Variants in RELN observed in about 807,000 individuals in gnomAD.
RELN encodes reelin.
RELN carries 108 observed loss-of-function variants against 427.6 expected under a neutral mutation model. The observed-to-expected ratio is 0.25, with a 90% CI of 0.22 to 0.30. RELN has a LOEUF of 0.30. RELN is among the 10% of genes least tolerant of loss of function. RELN has a pLI of 1.00. For missense variants in RELN, 3,715 were observed against 4,302.8 expected (o/e 0.86, Z 3.82); for synonymous variants, 1,524 against 1,513.4 (o/e 1.01, Z -0.16).
intron 44 of RELN, chr7:103,539,594 C>T: frequency 4.2e-6 from 2 of 478,986 alleles, no homozygotes; most frequent in South Asian, 4.2e-5. Context: ...TTGCAAACGA[C>T]ATGTACCCAA....
intron 20 of RELN, among the ~76,000 whole-genome samples, chr7:103,617,346 T>C (rs1303840589): frequency 6.6e-6 from 1 of 152,184 alleles, no homozygotes; most frequent in Non-Finnish European, 1.5e-5. Context: ...AGGTTTGTCC[T>C]CCTGAAACAC....
intron 4 of RELN, among the ~76,000 whole-genome samples, chr7:103,757,464 A>T (rs1294112279): frequency 1.3e-5 from 2 of 152,126 alleles, no homozygotes; most frequent in Non-Finnish European, 2.9e-5. Flanking sequence ...CATCTTGCCC[A>T]GTTTCTCAAC....
chr7:103,959,508 A>G (rs1796503702), intron 1 of RELN, among the ~76,000 whole-genome samples: 1 of 152,140 alleles, frequency 6.6e-6, no homozygotes, highest in African/African-American at 2.4e-5. Flanking sequence ...CATTCCTCCC[A>G]AACTTTTCTC....
At chr7:103,772,004 G>A (rs2237635) in intron 4 of RELN, among the ~76,000 whole-genome samples, 3 of 152,004 alleles carry the variant, frequency 2.0e-5, no homozygotes, top group Admixed American at 1.3e-4. Flanking sequence ...TGCAGAATGC[G>A]TAAGTCCCTG....
chr7:103,826,319 A>AGTGTGTGTGTGTGTGTGTGTGTGTGT lies in RELN; in HGVS notation c.473+7217_473+7218insACACACACACACACACACACACACAC, dbSNP rs768090469. Among the ~76,000 whole-genome samples the AGTGTGTGTGTGTGTGTGTGTGTGTGT allele has an allele frequency of 2.9e-4, 40 of 137,572 alleles. 1 individual carries two copies. The highest frequency in any genetic ancestry group is 4.7e-4 in the Non-Finnish European group (30 of 64,468). The allele number at this position is 137,572 out of a possible 152,430, so 90.3% of individuals were successfully genotyped here. ...ACAGAAGCACAAAACAGACTAAGACAATGTGTGTGTGTGTGTGTGTGTGTG... is the reference window on the plus strand; with the variant it reads ...ACAGAAGCACAAAACAGACTAAGACAGTGTGTGTGTGTGTGTGTGTGTGTGTATGTGTGTGTGTGTGTGTGTGTGTG... On this transcript the variant is annotated intron_variant, in intron 3 of 64. Coordinates refer to ENST00000428762, the MANE Select transcript of RELN (RefSeq NM_005045.4).
At chr7:103,898,484 T>C (rs1795010898) in intron 2 of RELN, among the ~76,000 whole-genome samples, 1 of 152,016 alleles carries the variant, frequency 6.6e-6, no homozygotes, top group South Asian at 2.1e-4. Context: ...ATAACTTACA[T>C]TAACATTTTA....
rs117316287 is a variant in RELN at position 103,556,205 on chromosome 7, C to T, written c.5797+772G>A. ...TGCTTGGTCTAAGTCCCTCTCACTT[C>T]GTCATGGCATTTTGCTATAGTATTC... On this transcript the variant is annotated intron_variant, in intron 38 of 64. Transcript: ENST00000428762. Among the ~76,000 whole-genome samples, 77 of 152,240 alleles carry T rather than the reference C, an allele frequency of 5.1e-4. 1 individual carries two copies. The East Asian group carries it at 0.013, about 26-fold the overall frequency.
chr7:103,849,058 G>T (rs1421612771), intron 2 of RELN, among the ~76,000 whole-genome samples: 1 of 152,206 alleles, frequency 6.6e-6, no homozygotes, highest in Non-Finnish European at 1.5e-5. Flanking sequence ...GTCAGAAGAT[G>T]TGACAGTGCT....
intron 4 of RELN, among the ~76,000 whole-genome samples, chr7:103,761,594 A>G (rs1425278898): frequency 6.6e-6 from 1 of 152,004 alleles, no homozygotes; most frequent in East Asian, 1.9e-4. Flanking sequence ...CTGGGACTAC[A>G]GGCATACAGC....
intron 10 of RELN, among the ~76,000 whole-genome samples, chr7:103,693,665 C>T (rs1833918739): frequency 1.3e-5 from 2 of 151,942 alleles, no homozygotes. Context: ...TGGCTTGTAT[C>T]CTCTAGGCCT....
intron 16 of RELN, among the ~76,000 whole-genome samples, chr7:103,644,642 T>C (rs550626104): frequency 1.3e-5 from 2 of 151,538 alleles, no homozygotes; most frequent in East Asian, 3.9e-4. Context: ...ATGTAAAATG[T>C]CCAAACCTAT....
chr7:103,565,507 A>C lies in RELN; in HGVS notation c.4981T>G (p.Ser1661Ala). 1 of 1,613,884 alleles carries C rather than the reference A, an allele frequency of 6.2e-7. No homozygotes were observed. Among genetic ancestry groups the C allele is most frequent in the South Asian group, 1.1e-5 (1 of 91,058 alleles). Residue 1661 changes from serine (S) to alanine (A), a missense_variant, in exon 34 of 65, where the codon TCT (serine) becomes GCT (alanine). This residue lies in a region of RELN where 2,208 missense variants were observed against 2,361.7 expected (regional missense o/e 0.93). Transcript: ENST00000428762. The part of the protein sequence containing the change: ...AETWDFHVSA[S>A]TFLQFEMSMG... Reference sequence around the variant, plus strand: ...CTCATTTCAAACTGCAAAAAGGTAGATGCTGACACATGAAAATCCCAGGTC... The same window carrying C: ...CTCATTTCAAACTGCAAAAAGGTAGCTGCTGACACATGAAAATCCCAGGTC...
chr7:103,957,287 A>G (rs1300110364), intron 1 of RELN, among the ~76,000 whole-genome samples: 1 of 152,236 alleles, frequency 6.6e-6, no homozygotes, highest in Admixed American at 6.5e-5. Context: ...TTCTTTTTAT[A>G]TACAGTTTGC....
intron 2 of RELN, among the ~76,000 whole-genome samples, chr7:103,853,435 G>A (rs39400): frequency 0.35 from 52,759 of 151,668 alleles, 9,833 homozygotes; most frequent in Non-Finnish European, 0.42. Context: ...CAATCTGAAT[G>A]AGTATATTTC....
intron 9 of RELN, among the ~76,000 whole-genome samples, chr7:103,698,890 TAATC>T (rs1178435200): frequency 1.3e-5 from 2 of 152,166 alleles, no homozygotes; most frequent in African/African-American, 2.4e-5. Flanking sequence ...ATATGTTTAA[TAATC>T]AATCTAAATT....
At chr7:103,627,057 C>T (rs185808837) in intron 20 of RELN, among the ~76,000 whole-genome samples, 356 of 152,084 alleles carry the variant, frequency 2.3e-3, no homozygotes, top group Non-Finnish European at 3.3e-3. Flanking sequence ...CTCTGAGTAA[C>T]GACAGTCTAT....
At chr7:103,739,124 T>C (rs1457581897) in intron 6 of RELN, among the ~76,000 whole-genome samples, 1 of 152,246 alleles carries the variant, frequency 6.6e-6, no homozygotes, top group Non-Finnish European at 1.5e-5. Flanking sequence ...CTCCTGTTGA[T>C]GAACACCTGG....
chr7:103,975,921 C>T (rs1796870461), intron 1 of RELN, among the ~76,000 whole-genome samples: 3 of 151,932 alleles, frequency 2.0e-5, no homozygotes, highest in Admixed American at 2.0e-4. Context: ...GGACCTGAAT[C>T]AGGAAAGGAC....
intron 43 of RELN, 50 bp from the exon 44 acceptor site, chr7:103,540,505 C>A: frequency 1.3e-6 from 2 of 1,589,328 alleles, no homozygotes; most frequent in Non-Finnish European, 1.7e-6. Flanking sequence ...AAGAAATCCA[C>A]ATGCTTAACA....
Sources: gnomAD v4.1 joint callset for allele counts (sites outside exome capture counted in the v4.1 genomes callset) on GRCh38, gnomAD v4.1.1 for gene constraint, gnomAD v4.1.1 regional missense constraint, MANE v1.5 for transcripts, NCBI Gene and HGNC (gene_info 2026-07-23, HGNC 2026-07-21) for gene names.